TENM2: variants seen among roughly 807,000 people sequenced by gnomAD.
The protein encoded by TENM2 is teneurin transmembrane protein 2.
In TENM2, 52 loss-of-function variants were observed where a neutral mutation model predicts 245.2. The ratio of observed to expected loss-of-function variants is 0.21; its 90% CI spans 0.17 to 0.27. The LOEUF is 0.27. Ranked by LOEUF, TENM2 falls within the 10% of genes least tolerant of loss-of-function variation. The pLI, the probability that TENM2 is intolerant of heterozygous loss-of-function variation, is 1.00. For missense variants in TENM2, 3,046 were observed against 3,666.8 expected (o/e 0.83, Z 4.37); for synonymous variants, 1,363 against 1,438.9 (o/e 0.95, Z 1.19).
At chr5:167,254,985 T>C in the TENM2 span, among the ~76,000 whole-genome samples, 4 of 151,972 alleles carry the variant, frequency 2.6e-5, no homozygotes, top group South Asian at 4.2e-4. Flanking sequence ...TATTTCCTTA[T>C]AGGCCGTGGG....
the TENM2 span, among the ~76,000 whole-genome samples, chr5:166,979,200 G>GCAGCAGCAGCAGCACCACCAC: frequency 1.6e-5 from 1 of 61,402 alleles, no homozygotes; most frequent in Non-Finnish European, 4.9e-5. Flanking sequence ...ACCACCAGCA[G>GCAGCAGCAGCAGCACCACCAC]CAGCAGCAGC....
chr5:167,945,908 T>G (rs1301354191), intron 3 of TENM2, among the ~76,000 whole-genome samples: 1 of 152,064 alleles, frequency 6.6e-6, no homozygotes, highest in African/African-American at 2.4e-5. Context: ...AGGAGGAGGC[T>G]ACAACTTGAC....
chr5:167,026,646 A>G, the TENM2 span, among the ~76,000 whole-genome samples: 2 of 152,212 alleles, frequency 1.3e-5, no homozygotes, highest in African/African-American at 4.8e-5. Context: ...TAGCATGCGC[A>G]AGTATGAGAT....
chr5:167,395,611 G>A (rs1762007552), intron 2 of TENM2, among the ~76,000 whole-genome samples: 1 of 152,122 alleles, frequency 6.6e-6, no homozygotes, highest in Non-Finnish European at 1.5e-5. Flanking sequence ...TTTTTACAAA[G>A]AAGACATTCA....
At chr5:167,850,702 C>T (rs1333881950) in intron 2 of TENM2, among the ~76,000 whole-genome samples, 3 of 152,140 alleles carry the variant, frequency 2.0e-5, no homozygotes, top group Non-Finnish European at 2.9e-5. Flanking sequence ...ATGGGGGCTG[C>T]AAAGCTAATA....
intron 2 of TENM2, among the ~76,000 whole-genome samples, chr5:167,750,244 C>T (rs1308943362): frequency 6.6e-6 from 1 of 152,126 alleles, no homozygotes; most frequent in Non-Finnish European, 1.5e-5. Context: ...CATCACCCTT[C>T]CCTTGCCCTA....
intron 1 of TENM2, among the ~76,000 whole-genome samples, chr5:167,342,900 C>T (rs1364178590): frequency 6.6e-6 from 1 of 150,882 alleles, no homozygotes; most frequent in East Asian, 2.0e-4. Context: ...ATGCAACTCA[C>T]ACTTTAAGAG....
At chr5:168,028,577 GC>G (rs1329132948) in intron 5 of TENM2, among the ~76,000 whole-genome samples, 1 of 152,130 alleles carries the variant, frequency 6.6e-6, no homozygotes, top group African/African-American at 2.4e-5. Context: ...AGTGTAGGAT[GC>G]CCAGTTAAAT....
intron 2 of TENM2, chr5:167,755,103 G>T (rs746497464): frequency 1.3e-6 from 2 of 1,599,056 alleles, no homozygotes; most frequent in Admixed American, 3.3e-5. Context: ...ACAATTGAAT[G>T]CAAGCCAGAT....
At chr5:167,776,662 T>G (rs1007197134) in intron 2 of TENM2, among the ~76,000 whole-genome samples, 1 of 128,494 alleles carries the variant, frequency 7.8e-6, no homozygotes, top group East Asian at 2.4e-4. Context: ...TATATATATA[T>G]ATTTTTCATT....
At chr5:167,250,098 T>C in the TENM2 span, among the ~76,000 whole-genome samples, 1,534 of 152,250 alleles carry the variant, frequency 0.01, 20 homozygotes, top group African/African-American at 0.034. Context: ...GCACTTGCAA[T>C]ATGGCCGGTC....
At chr5:167,610,709 C>G (rs1485448815) in intron 2 of TENM2, among the ~76,000 whole-genome samples, 4 of 152,150 alleles carry the variant, frequency 2.6e-5, no homozygotes, top group Admixed American at 6.5e-5. Flanking sequence ...TGATTCCTTT[C>G]TTGTTTTATT....
the TENM2 span, among the ~76,000 whole-genome samples, chr5:167,205,731 C>T: frequency 6.6e-6 from 1 of 152,132 alleles, no homozygotes. Context: ...TAGCAGGGTT[C>T]TTTCTCTCTT....
chr5:167,983,690 C>T (rs1389501314), intron 4 of TENM2, among the ~76,000 whole-genome samples: 1 of 152,082 alleles, frequency 6.6e-6, no homozygotes, highest in Non-Finnish European at 1.5e-5. Context: ...TGAGAAGTAA[C>T]GATTTTAAAA....
intron 13 of TENM2, among the ~76,000 whole-genome samples, chr5:168,185,906 C>T (rs1760347594): frequency 1.7e-5 from 2 of 116,206 alleles, no homozygotes; most frequent in African/African-American, 6.0e-5. Flanking sequence ...ATACTATATA[C>T]CAGACTGACA....
chr5:167,859,083 G>A (rs1384207345), intron 2 of TENM2, among the ~76,000 whole-genome samples: 15 of 147,740 alleles, frequency 1.0e-4, no homozygotes, highest in African/African-American at 3.7e-4. Flanking sequence ...CTGCCCGGCC[G>A]CCCATCGTCT....
chr5:167,414,305 C>T (rs1763056494), intron 2 of TENM2, among the ~76,000 whole-genome samples: 1 of 151,872 alleles, frequency 6.6e-6, no homozygotes, highest in South Asian at 2.1e-4. Flanking sequence ...TTCAGAAAAT[C>T]TAAAAGCATA....
chr5:168,238,053 G>A (rs967216959), intron 25 of TENM2, among the ~76,000 whole-genome samples: 3 of 150,858 alleles, frequency 2.0e-5, no homozygotes, highest in Non-Finnish European at 4.4e-5. Flanking sequence ...GCTGAGGCAG[G>A]AGAATGGTGT....
rs925700401 is a variant in TENM2, at chr5:167,636,889, C to T, written c.503-239097C>T. 2.0e-5 allele frequency among the ~76,000 whole-genome samples: 3 copies of T among 152,160 alleles called. No individual in the cohort carries two copies. In the East Asian group the frequency reaches 5.8e-4, roughly 29 times the overall value. ...CCCTATGCTAGTCCCTTTAGATTTT[C>T]TCTCATGCTTTTAAGTACCCTGCAA... On this transcript the variant is annotated intron_variant, in intron 2 of 28. Coordinates refer to ENST00000518659, the Ensembl canonical transcript of TENM2.
Sources: allele counts gnomAD v4.1 joint callset (sites outside exome capture counted in the v4.1 genomes callset), GRCh38; gene constraint gnomAD v4.1.1; transcripts MANE v1.5; gene names NCBI Gene and HGNC (gene_info 2026-07-23, HGNC 2026-07-21).